LRRC58: variants seen among roughly 807,000 people sequenced by gnomAD.
LRRC58 encodes the protein leucine-rich repeat-containing protein 58.
A neutral mutation model predicts 30.6 loss-of-function variants in LRRC58; 18 were observed. The ratio of observed to expected loss-of-function variants is 0.59; its 90% CI spans 0.41 to 0.87. The LOEUF (loss-of-function observed/expected upper bound fraction) is 0.87. Among genes scored for constraint, LRRC58 ranks in the 40% least tolerant of loss-of-function variants. The pLI is 0.00. For synonymous variants in LRRC58, 221 were observed against 206.0 expected (o/e 1.07, Z -0.62); for missense variants, 420 against 468.4 (o/e 0.90, Z 0.95).
At chr3:120,347,675 G>A (rs775749255) in intron 1 of LRRC58, among the ~76,000 whole-genome samples, 41 of 151,384 alleles carry the variant, frequency 2.7e-4, no homozygotes, top group Non-Finnish European at 5.5e-4. Context: ...ACAGGCGTGA[G>A]CCACCGCGCC....
intron 1 of LRRC58, among the ~76,000 whole-genome samples, chr3:120,346,882 ACT>A (rs1286925247): frequency 2.0e-5 from 3 of 151,600 alleles, no homozygotes; most frequent in Non-Finnish European, 4.4e-5. Flanking sequence ...CATGCTTAAA[ACT>A]CTCTCATGTG....
Position 120,349,097 on chromosome 3 carries a change from C to T in LRRC58, c.147G>A (p.Leu49=). 1 of 1,512,214 alleles carries T rather than the reference C, an allele frequency of 6.6e-7. No individual in the cohort carries two copies. The highest frequency in any genetic ancestry group is 2.7e-5 in the East Asian group (1 of 37,166). The allele number at this position is 1,512,214 out of a possible 1,614,324, so 93.7% of individuals were successfully genotyped here. A position where few individuals can be genotyped will look rare whatever the true frequency, so the allele number is the denominator to read the frequency against. ...RRGAREALLR[L]LLPHNRLVSL... The stretch of plus-strand genomic sequence containing the variant: ...ACACCAGACGGTTGTGAGGCAGCAG[C>T]AGCCGCAGCAGCGCCTCCCGCGCCC... Residue 49 remains leucine (L), a synonymous_variant, in exon 1 of 4, where the codon CTG becomes CTA. Transcript: ENST00000295628.
In LRRC58 at chr3:120,337,438, G is replaced by A. The variant is rs190755903; in HGVS notation, c.501-1485C>T. ...TATATCTTTAGAGAATTACCTGTTC[G>A]TATCATTTATCTATTTTTCTCATGA... On this transcript the variant is annotated intron_variant, in intron 1 of 3. Coordinates refer to ENST00000295628, the MANE Select transcript of LRRC58 (RefSeq NM_001099678.2). 6.4e-4 allele frequency among the ~76,000 whole-genome samples: 97 copies of A among 152,110 alleles called. 1 individual carries two copies. Among genetic ancestry groups the A allele is most frequent in the Admixed American group, 4.4e-3 (67 of 15,280 alleles).
rs1050807180 is a variant in LRRC58 at position 120,329,184 on chromosome 3, G to A, written c.*2016C>T. On this transcript the variant is annotated 3_prime_UTR_variant, in exon 4 of 4. Coordinates refer to ENST00000295628, the MANE Select transcript of LRRC58 (RefSeq NM_001099678.2). ...GAAAAAATTGGTCCTATCAATTTGA[G>A]TATTTTACTATGAATACATTATTTT... The A allele has an allele frequency of 5.3e-5, 8 of 152,096 alleles. No individual in the cohort carries two copies. The highest frequency in any genetic ancestry group is 1.4e-4 in the African/African-American group (6 of 41,430). 9.4% of individuals were successfully genotyped at this position (152,096 alleles called of 1,614,324 possible).
At chr3:120,347,924 C>T (rs1160090092) in intron 1 of LRRC58, among the ~76,000 whole-genome samples, 1 of 152,064 alleles carries the variant, frequency 6.6e-6, no homozygotes, top group African/African-American at 2.4e-5. Flanking sequence ...ACTGCATAAT[C>T]TAGTAGGTGA....
chr3:120,345,115 TAA>T (rs5852243), intron 1 of LRRC58, among the ~76,000 whole-genome samples: 3,827 of 148,086 alleles, frequency 0.026, 158 homozygotes, highest in African/African-American at 0.088. Context: ...CAGAAAACGT[TAA>T]AAAAAAAAAG....
At chr3:120,345,847 A>G (rs1463067225) in intron 1 of LRRC58, among the ~76,000 whole-genome samples, 2 of 152,258 alleles carry the variant, frequency 1.3e-5, no homozygotes, top group African/African-American at 4.8e-5. Flanking sequence ...AGACACAATG[A>G]ACAATAAACA....
rs1225875548 is a variant in LRRC58 at position 120,330,094 on chromosome 3, T to G, written c.*1106A>C. 1 of 152,118 alleles carries G rather than the reference T, an allele frequency of 6.6e-6. No individual in the cohort carries two copies. Among genetic ancestry groups the G allele is most frequent in the African/African-American group, 2.4e-5 (1 of 41,460 alleles). 9.4% of individuals were successfully genotyped at this position (152,118 alleles called of 1,614,324 possible). ...TTTTCTCCATTTTTATTTGGCTTGT[T>G]GTGATGTTTTTCTAGTTGTATTAGT... On this transcript the variant is annotated 3_prime_UTR_variant, in exon 4 of 4. Coordinates refer to ENST00000295628, the MANE Select transcript of LRRC58 (RefSeq NM_001099678.2).
At chr3:120,338,280 C>T (rs1433671274) in intron 1 of LRRC58, among the ~76,000 whole-genome samples, 2 of 152,184 alleles carry the variant, frequency 1.3e-5, no homozygotes, top group African/African-American at 4.8e-5. Flanking sequence ...AAATTTGGAT[C>T]AGTTACTTAA....
rs1392927817 is a variant in LRRC58 at position 120,331,426 on chromosome 3, T to C, written c.908-18A>G. ...GTAGACTCCTAAAGAGAAGAAGGAA[T>C]AGAAAGTAATCATTACAAAGCAAGG... On this transcript the variant is annotated intron_variant, in intron 3 of 3. Transcript: ENST00000295628. 3 of 1,570,460 alleles carry C rather than the reference T, an allele frequency of 1.9e-6. No homozygotes were observed. In the Admixed American group the frequency reaches 5.0e-5, roughly 26 times the overall value.
chr3:120,338,633 A>G (rs575512029), intron 1 of LRRC58, among the ~76,000 whole-genome samples: 7 of 152,344 alleles, frequency 4.6e-5, no homozygotes, highest in African/African-American at 7.2e-5. Context: ...ACAAACCCCA[A>G]TGGAAAAGTG....
chr3:120,331,504 C>A, intron 3 of LRRC58, 96 bp from the exon 4 acceptor site: 1 of 874,932 alleles, frequency 1.1e-6, no homozygotes, highest in Non-Finnish European at 1.8e-6. Context: ...ATGTCATACA[C>A]CATCTTCTGT....
rs1375864276 is a variant in LRRC58, at chr3:120,349,317, G to A, written c.-74C>T. 7.6e-7 allele frequency: 1 copy of A among 1,314,304 alleles called. No homozygotes were observed. 81.4% of individuals were successfully genotyped at this position (1,314,304 alleles called of 1,614,324 possible). A position where few individuals can be genotyped will look rare whatever the true frequency, so the allele number is the denominator to read the frequency against. ...GCGGTCCAGAGGCCGGGAGCTCTGCGGCGCCCCGGAACCTGAACCGAGGGC... is the reference window on the plus strand; with the variant it reads ...GCGGTCCAGAGGCCGGGAGCTCTGCAGCGCCCCGGAACCTGAACCGAGGGC... On this transcript the variant is annotated 5_prime_UTR_variant, in exon 1 of 4. Transcript: ENST00000295628.
chr3:120,344,199 C>G (rs1247337731), intron 1 of LRRC58, among the ~76,000 whole-genome samples: 1 of 152,112 alleles, frequency 6.6e-6, no homozygotes, highest in East Asian at 1.9e-4. Context: ...GGAAAAGAAA[C>G]AGAAAGATAA....
At chr3:120,345,735 T>A (rs567154204) in intron 1 of LRRC58, among the ~76,000 whole-genome samples, 39 of 152,354 alleles carry the variant, frequency 2.6e-4, no homozygotes, top group African/African-American at 8.7e-4. Context: ...ATGTGGAGCA[T>A]AGCCTAAACC....
intron 1 of LRRC58, among the ~76,000 whole-genome samples, chr3:120,348,484 C>T (rs1442441559): frequency 6.6e-6 from 1 of 152,134 alleles, no homozygotes; most frequent in Non-Finnish European, 1.5e-5. Flanking sequence ...GGATCACGCC[C>T]CAGATTCAAT....
In LRRC58 at chr3:120,326,719, T is replaced by C. The variant is rs1295926640; in HGVS notation, c.*4481A>G. 6.6e-6 allele frequency: 1 copy of C among 152,202 alleles called. No homozygotes were observed. The highest frequency in any genetic ancestry group is 2.4e-5 in the African/African-American group (1 of 41,450). The allele number at this position is 152,202 out of a possible 1,614,324, so 9.4% of individuals were successfully genotyped here. A position where few individuals can be genotyped will look rare whatever the true frequency, so the allele number is the denominator to read the frequency against. ...CTGGATGAAAAAAGGATCATTTAGGTAAAAATTAAATGTTCCTAACTAAAT... is the reference window on the plus strand; with the variant it reads ...CTGGATGAAAAAAGGATCATTTAGGCAAAAATTAAATGTTCCTAACTAAAT... On this transcript the variant is annotated 3_prime_UTR_variant, in exon 4 of 4. Transcript: ENST00000295628.
At chr3:120,347,482 C>T (rs1448804685) in intron 1 of LRRC58, among the ~76,000 whole-genome samples, 1 of 145,784 alleles carries the variant, frequency 6.9e-6, no homozygotes, top group Non-Finnish European at 1.5e-5. Flanking sequence ...AGCTCCGCTT[C>T]CCGGGTTCAC....
Position 120,335,154 on chromosome 3 carries a change from G to C in LRRC58, c.630-15C>G. 1 of 1,602,502 alleles carries C rather than the reference G, an allele frequency of 6.2e-7. No homozygotes were observed. Among genetic ancestry groups the C allele is most frequent in the African/African-American group, 1.3e-5 (1 of 74,668 alleles). Reference sequence around the variant, plus strand: ...GTGAATGTAACCTAGAATAAATGTAGTAGAAAAATCAATGGCAGTAAACAA... The same window carrying C: ...GTGAATGTAACCTAGAATAAATGTACTAGAAAAATCAATGGCAGTAAACAA... On this transcript the variant is annotated splice_polypyrimidine_tract_variant and intron_variant, in intron 2 of 3. Transcript: ENST00000295628.
Sources: allele counts gnomAD v4.1 joint callset (sites outside exome capture counted in the v4.1 genomes callset), GRCh38; gene constraint gnomAD v4.1.1; transcripts MANE v1.5; gene names NCBI Gene and HGNC (gene_info 2026-07-23, HGNC 2026-07-21).